The following GABRB1 variants were observed in gnomAD, a reference collection of about 807,000 sequenced individuals.
GABRB1 encodes gamma-aminobutyric acid receptor subunit beta-1.
A neutral mutation model predicts 51.6 loss-of-function variants in GABRB1; 17 were observed. The observed-to-expected ratio is 0.33, with a 90% CI of 0.23 to 0.49. The LOEUF is 0.49. GABRB1 is among the 20% of genes least tolerant of loss of function. The pLI, the probability that GABRB1 is intolerant of heterozygous loss-of-function variation, is 0.99. For synonymous variants in GABRB1, 247 were observed against 218.9 expected (o/e 1.13, Z -1.14); for missense variants, 410 against 600.6 (o/e 0.68, Z 3.32).
chr4:47,383,791 C>T (rs945654033), intron 5 of GABRB1, among the ~76,000 whole-genome samples: 18 of 152,194 alleles, frequency 1.2e-4, no homozygotes, highest in Admixed American at 1.0e-3. Flanking sequence ...TAGTAATCAA[C>T]TAGAGTTGCA....
At chr4:47,366,241 A>G (rs908924130) in intron 5 of GABRB1, among the ~76,000 whole-genome samples, 10 of 152,238 alleles carry the variant, frequency 6.6e-5, no homozygotes, top group Admixed American at 5.2e-4. Context: ...CAAGACACAG[A>G]TCTCTTCAGT....
intron 1 of GABRB1, among the ~76,000 whole-genome samples, chr4:47,021,351 A>C (rs987936222): frequency 2.0e-5 from 3 of 152,146 alleles, no homozygotes; most frequent in African/African-American, 7.2e-5. Context: ...TTTTCCTCAG[A>C]GCACTTTGAT....
chr4:47,131,480 A>G (rs1013752322), intron 3 of GABRB1, among the ~76,000 whole-genome samples: 1 of 152,160 alleles, frequency 6.6e-6, no homozygotes, highest in African/African-American at 2.4e-5. Flanking sequence ...TCTGAGTGCA[A>G]TGTAGCCATT....
intron 4 of GABRB1, among the ~76,000 whole-genome samples, chr4:47,235,941 C>T (rs920937896): frequency 6.6e-6 from 1 of 152,038 alleles, no homozygotes; most frequent in Non-Finnish European, 1.5e-5. Context: ...ATAGCACAAA[C>T]GTCCCCATTC....
At chr4:47,420,029 T>C (rs773062457) in intron 8 of GABRB1, among the ~76,000 whole-genome samples, 1 of 152,188 alleles carries the variant, frequency 6.6e-6, no homozygotes, top group Admixed American at 6.5e-5. Context: ...AAAAAGAGAA[T>C]CCATTATGTT....
chr4:47,370,443 C>A (rs999390855), intron 5 of GABRB1, among the ~76,000 whole-genome samples: 2 of 150,982 alleles, frequency 1.3e-5, no homozygotes, highest in South Asian at 2.1e-4. Flanking sequence ...GCTGAGATCG[C>A]GCCACTGCAT....
At chr4:47,137,121 CA>C (rs1201767803) in intron 3 of GABRB1, among the ~76,000 whole-genome samples, 1 of 152,002 alleles carries the variant, frequency 6.6e-6, no homozygotes, top group Non-Finnish European at 1.5e-5. Flanking sequence ...CTTAAAGACT[CA>C]AATATTGATA....
rs142397423 is a variant in GABRB1, at chr4:47,245,298, A to C, written c.462-74829A>C. Among the ~76,000 whole-genome samples, 1,315 of 152,314 alleles carry C rather than the reference A, an allele frequency of 8.6e-3. 21 individuals carry two copies. Among genetic ancestry groups the C allele is most frequent in the African/African-American group, 0.03 (1,235 of 41,568 alleles). On this transcript the variant is annotated intron_variant, in intron 4 of 8. Transcript: ENST00000295454. ...TTCCTAATATAACTTGCAATAAAAA[A>C]TATCAAGTGACCAATATTAATTTTG...
intron 4 of GABRB1, among the ~76,000 whole-genome samples, chr4:47,297,126 T>G (rs2109931559): frequency 6.6e-6 from 1 of 152,080 alleles, no homozygotes; most frequent in South Asian, 2.1e-4. Context: ...AGAGGGAAAT[T>G]TATAGCACTA....
chr4:47,262,147 T>C (rs962254131), intron 4 of GABRB1, among the ~76,000 whole-genome samples: 47 of 151,350 alleles, frequency 3.1e-4, no homozygotes, highest in Non-Finnish European at 6.3e-4. Flanking sequence ...GGACTTCATG[T>C]CTAAAACACC....
At chr4:47,083,592 C>T (rs1451157260) in intron 3 of GABRB1, among the ~76,000 whole-genome samples, 1 of 152,084 alleles carries the variant, frequency 6.6e-6, no homozygotes, top group Non-Finnish European at 1.5e-5. Context: ...TGATCAGTAA[C>T]TAAACTGGGG....
rs145493122 is a variant in GABRB1 at position 47,142,109 on chromosome 4, C to T, written c.241-19140C>T. ...GTAATTTCAATAAATGTGATAAATG[C>T]TAAAATAAAGGTAAGCCGAGGGTGC... On this transcript the variant is annotated intron_variant, in intron 3 of 8. Transcript: ENST00000295454. Among the ~76,000 whole-genome samples the T allele has an allele frequency of 2.2e-3, 334 of 151,854 alleles. 2 individuals carry two copies. Among genetic ancestry groups the T allele is most frequent in the African/African-American group, 7.1e-3 (295 of 41,474 alleles).
chr4:47,394,166 C>T (rs1305272511), intron 5 of GABRB1, among the ~76,000 whole-genome samples: 1 of 152,224 alleles, frequency 6.6e-6, no homozygotes, highest in Non-Finnish European at 1.5e-5. Context: ...AACATGGAAG[C>T]TGTGTTCTGT....
chr4:47,357,456 G>A (rs967369675), intron 5 of GABRB1, among the ~76,000 whole-genome samples: 1 of 152,156 alleles, frequency 6.6e-6, no homozygotes. Flanking sequence ...ACCTTGTAAG[G>A]CAGAGCCCAT....
chr4:47,319,544 G>C (rs1725000489), intron 4 of GABRB1, among the ~76,000 whole-genome samples: 2 of 151,966 alleles, frequency 1.3e-5, no homozygotes, highest in African/African-American at 2.4e-5. Flanking sequence ...AATCCCACTG[G>C]GTCATGGTGT....
At chr4:47,016,290 G>C (rs1409745659) in intron 1 of GABRB1, among the ~76,000 whole-genome samples, 1 of 152,134 alleles carries the variant, frequency 6.6e-6, no homozygotes, top group Non-Finnish European at 1.5e-5. Flanking sequence ...CTGCTTTCAG[G>C]CTTTGCCCTA....
chr4:47,173,856 C>T (rs1326941494), intron 4 of GABRB1, among the ~76,000 whole-genome samples: 1 of 152,156 alleles, frequency 6.6e-6, no homozygotes, highest in Non-Finnish European at 1.5e-5. Context: ...TTATCCACCA[C>T]ATCAAGTTGA....
At chr4:47,379,105 C>T (rs1286530512) in intron 5 of GABRB1, among the ~76,000 whole-genome samples, 1 of 152,090 alleles carries the variant, frequency 6.6e-6, no homozygotes, top group Non-Finnish European at 1.5e-5. Flanking sequence ...TCCCATAGTG[C>T]CTGAATTCAT....
At chr4:47,390,881 G>A (rs1727964098) in intron 5 of GABRB1, among the ~76,000 whole-genome samples, 1 of 152,030 alleles carries the variant, frequency 6.6e-6, no homozygotes, top group Non-Finnish European at 1.5e-5. Flanking sequence ...GCTTCTACTT[G>A]GAGAGGAGTA....
Sources: allele counts gnomAD v4.1 joint callset (sites outside exome capture counted in the v4.1 genomes callset), GRCh38; gene constraint gnomAD v4.1.1; transcripts MANE v1.5; gene names NCBI Gene and HGNC (gene_info 2026-07-23, HGNC 2026-07-21).